Variants in CHL1 observed in about 807,000 individuals in gnomAD.
The protein encoded by CHL1 is cell adhesion molecule L1 like, also known as neural cell adhesion molecule L1-like protein.
In CHL1, 96 loss-of-function variants were observed where a neutral mutation model predicts 141.9. The observed-to-expected ratio is 0.68, with a 90% CI of 0.57 to 0.80. The LOEUF (loss-of-function observed/expected upper bound fraction) is 0.80. Ranked by LOEUF, CHL1 falls within the 30% of genes least tolerant of loss-of-function variation. The pLI is 0.00. For missense variants in CHL1, 1,820 were observed against 1,457.2 expected (o/e 1.25, Z -4.05); for synonymous variants, 613 against 502.2 (o/e 1.22, Z -2.95).
intron 2 of CHL1, among the ~76,000 whole-genome samples, chr3:257,412 G>T (rs1327523826): frequency 6.1e-5 from 9 of 146,960 alleles, no homozygotes; most frequent in Non-Finnish European, 1.3e-4. Context: ...GGAGTGCAGT[G>T]GCACCACCTC....
intron 1 of CHL1, among the ~76,000 whole-genome samples, chr3:204,738 C>T (rs1335791772): frequency 6.6e-6 from 1 of 152,070 alleles, no homozygotes; most frequent in Non-Finnish European, 1.5e-5. Flanking sequence ...TGACCTTTTC[C>T]AAGACTGATA....
Position 197,636 on chromosome 3 carries a change from G to GT in CHL1, c.-175+573_-175+574insT, listed in dbSNP as rs1209547316. The stretch of plus-strand genomic sequence containing the variant: ...AGGATTCTAGATCCCAGCCCGGGGG[G>GT]GGTTCCGAAAATGCCGCCAGCCTGG... On this transcript the variant is annotated intron_variant, in intron 1 of 27. Coordinates refer to ENST00000256509, the MANE Select transcript of CHL1 (RefSeq NM_006614.4). 2.5e-5 allele frequency: 9 copies of GT among 359,870 alleles called. No individual in the cohort carries two copies. In the East Asian group the frequency reaches 3.7e-4, roughly 15 times the overall value. The allele number at this position is 359,870 out of a possible 1,614,324, so 22.3% of individuals were successfully genotyped here. A position where few individuals can be genotyped will look rare whatever the true frequency, so the allele number is the denominator to read the frequency against.
chr3:319,688 A>C lies in CHL1; in HGVS notation c.-89A>C, dbSNP rs2125035968. 2.7e-6 allele frequency: 2 copies of C among 727,382 alleles called. No homozygotes were observed. Among genetic ancestry groups the C allele is most frequent in the Non-Finnish European group, 4.7e-6 (2 of 423,744 alleles). 45.1% of individuals were successfully genotyped at this position (727,382 alleles called of 1,614,324 possible). On this transcript the variant is annotated 5_prime_UTR_variant, in exon 3 of 28. Coordinates refer to ENST00000256509, the MANE Select transcript of CHL1 (RefSeq NM_006614.4). ...TATTCTGTTTGTGTTTTTAGTTTCC[A>C]GGTTAACTAAGGTCTCAGCTGTAAA...
chr3:326,082 C>T lies in CHL1; in HGVS notation c.197+18C>T, dbSNP rs547793633. The T allele has an allele frequency of 1.9e-5, 29 of 1,489,440 alleles. No homozygotes were observed. The Admixed American group carries it at 2.7e-4, about 14-fold the overall frequency. The allele number at this position is 1,489,440 out of a possible 1,614,324, so 92.3% of individuals were successfully genotyped here. A position where few individuals can be genotyped will look rare whatever the true frequency, so the allele number is the denominator to read the frequency against. ...GAACCAACGTGAGTATTGTTTCAAA[C>T]GAAGTGGTTCTTTAAATGCGTGCTG... On this transcript the variant is annotated intron_variant, in intron 4 of 27. Transcript: ENST00000256509.
At chr3:325,479 T>C (rs1700932937) in intron 3 of CHL1, among the ~76,000 whole-genome samples, 1 of 151,962 alleles carries the variant, frequency 6.6e-6, no homozygotes, top group Non-Finnish European at 1.5e-5. Flanking sequence ...AATAATCTAA[T>C]GACCAGTAAT....
chr3:356,839 G>T (rs1403883837), intron 11 of CHL1, among the ~76,000 whole-genome samples: 6 of 152,182 alleles, frequency 3.9e-5, no homozygotes, highest in Admixed American at 3.9e-4. Flanking sequence ...GATGAACATC[G>T]AAGTAGGGCC....
chr3:340,322 G>A (rs993871660), intron 5 of CHL1, among the ~76,000 whole-genome samples: 3 of 152,106 alleles, frequency 2.0e-5, no homozygotes, highest in Non-Finnish European at 2.9e-5. Flanking sequence ...TATGGGCTGG[G>A]AAGTTTTTAT....
At chr3:308,252 C>T (rs910174933) in intron 2 of CHL1, among the ~76,000 whole-genome samples, 11 of 152,260 alleles carry the variant, frequency 7.2e-5, no homozygotes, top group East Asian at 1.9e-4. Flanking sequence ...GAAATTCATT[C>T]GTTCATCCAG....
rs1474138974 is a variant in CHL1 at position 231,595 on chromosome 3, T to G, written c.-174-13018T>G. Among the ~76,000 whole-genome samples, 9 of 122,452 alleles carry G rather than the reference T, an allele frequency of 7.3e-5. No homozygotes were observed. In the East Asian group the frequency reaches 2.2e-3, roughly 31 times the overall value. The allele number at this position is 122,452 out of a possible 152,430, so 80.3% of individuals were successfully genotyped here. On this transcript the variant is annotated intron_variant, in intron 1 of 27. Coordinates refer to ENST00000256509, the MANE Select transcript of CHL1 (RefSeq NM_006614.4). ...TCTTCCTTTTTTTTTTTTTTTTTTT[T>G]GAGATGGAGTCTCATTCTGTCACCC...
At chr3:379,365 A>C (rs1369792312) in intron 16 of CHL1, among the ~76,000 whole-genome samples, 4 of 152,120 alleles carry the variant, frequency 2.6e-5, no homozygotes, top group Admixed American at 6.5e-5. Context: ...TTGTACCTTT[A>C]GGCAGAATGT....
intron 1 of CHL1, among the ~76,000 whole-genome samples, chr3:211,420 G>A (rs1184129202): frequency 6.6e-6 from 1 of 152,176 alleles, no homozygotes; most frequent in South Asian, 2.1e-4. Context: ...GAGCTTTCTT[G>A]AGCTGCTTAT....
chr3:339,595 C>A (rs1041595970), intron 5 of CHL1, among the ~76,000 whole-genome samples: 2 of 152,100 alleles, frequency 1.3e-5, no homozygotes, highest in Non-Finnish European at 2.9e-5. Flanking sequence ...ATAGCCACAC[C>A]GCCCCCTGCA....
intron 1 of CHL1, among the ~76,000 whole-genome samples, chr3:223,885 G>A (rs575130725): frequency 2.6e-5 from 4 of 152,306 alleles, no homozygotes; most frequent in African/African-American, 9.6e-5. Flanking sequence ...CACTTCTTGG[G>A]TGGGAGCTCC....
intron 1 of CHL1, among the ~76,000 whole-genome samples, chr3:242,743 G>A (rs1223137518): frequency 6.6e-6 from 1 of 151,976 alleles, no homozygotes; most frequent in Admixed American, 6.6e-5. Flanking sequence ...TTACATACAT[G>A]ATTAATGTGA....
At chr3:255,639 A>T (rs1694086777) in intron 2 of CHL1, among the ~76,000 whole-genome samples, 1 of 152,228 alleles carries the variant, frequency 6.6e-6, no homozygotes, top group Non-Finnish European at 1.5e-5. Context: ...CTAAAATCTA[A>T]AAAATGCAAA....
intron 18 of CHL1, among the ~76,000 whole-genome samples, chr3:383,116 T>G (rs569346162): frequency 6.6e-6 from 1 of 152,342 alleles, no homozygotes; most frequent in African/African-American, 2.4e-5. Flanking sequence ...GAATTGTTAT[T>G]GATCATCAAT....
At chr3:317,005 T>C in intron 2 of CHL1, among the ~76,000 whole-genome samples, 1 of 152,026 alleles carries the variant, frequency 6.6e-6, no homozygotes, top group East Asian at 1.9e-4. Flanking sequence ...TGACTTTCCG[T>C]TTTCAATCTG....
At chr3:332,764 G>T (rs1042508861) in intron 5 of CHL1, among the ~76,000 whole-genome samples, 7 of 152,114 alleles carry the variant, frequency 4.6e-5, no homozygotes, top group Admixed American at 4.6e-4. Flanking sequence ...GTTGATCATC[G>T]TTAAACTGTA....
intron 2 of CHL1, among the ~76,000 whole-genome samples, chr3:314,114 T>C (rs1429238916): frequency 1.3e-5 from 2 of 151,862 alleles, no homozygotes; most frequent in Admixed American, 6.6e-5. Flanking sequence ...TTTAGATGTA[T>C]GGCAGCAGGC....
Sources: allele counts gnomAD v4.1 joint callset (sites outside exome capture counted in the v4.1 genomes callset), GRCh38; gene constraint gnomAD v4.1.1; transcripts MANE v1.5; gene names NCBI Gene and HGNC (gene_info 2026-07-23, HGNC 2026-07-21).